Variants in KDM4B observed in about 807,000 individuals in gnomAD.
KDM4B encodes lysine demethylase 4B.
Under a neutral mutation model 125.2 loss-of-function variants are expected in KDM4B, and 32 were observed. The ratio of observed to expected loss-of-function variants is 0.26; its 90% CI spans 0.19 to 0.34. KDM4B has a LOEUF of 0.34. Among genes scored for constraint, KDM4B ranks in the 10% least tolerant of loss-of-function variants. KDM4B has a pLI of 1.00. For missense variants in KDM4B, 1,190 were observed against 1,577.7 expected (o/e 0.75, Z 4.16); for synonymous variants, 721 against 677.9 (o/e 1.06, Z -0.99).
intron 19 of KDM4B, 35 bp from the exon 20 acceptor site, chr19:5,144,213 G>A (rs779937993): frequency 2.4e-5 from 37 of 1,517,418 alleles, no homozygotes; most frequent in East Asian, 2.3e-4. Context: ...CGACACCCGC[G>A]CTGACCGCCC....
chr19:5,138,782 C>T (rs778770091), intron 18 of KDM4B, among the ~76,000 whole-genome samples: 4 of 152,234 alleles, frequency 2.6e-5, no homozygotes, highest in Non-Finnish European at 4.4e-5. Context: ...CCCGCTCACC[C>T]GTCCTGTATA....
At chr19:4,992,067 C>T (rs1261994124) in intron 1 of KDM4B, among the ~76,000 whole-genome samples, 3 of 152,010 alleles carry the variant, frequency 2.0e-5, no homozygotes, top group Admixed American at 6.6e-5. Context: ...GGACAAGATC[C>T]AAGGTTGCCA....
chr19:5,140,868 C>T (rs1009113377), intron 18 of KDM4B: 6 of 152,242 alleles, frequency 3.9e-5, no homozygotes, highest in East Asian at 1.9e-4. Flanking sequence ...ACACGTGTCT[C>T]GTGGGCCCCT....
chr19:5,148,533 T>TG (rs1217714089), intron 21 of KDM4B, among the ~76,000 whole-genome samples: 1 of 152,170 alleles, frequency 6.6e-6, no homozygotes, highest in African/African-American at 2.4e-5. Context: ...ACTGAATCAC[T>TG]GTGTGCCACG....
chr19:5,131,841 A>C, intron 12 of KDM4B, 46 bp from the exon 13 acceptor site: 1 of 1,611,898 alleles, frequency 6.2e-7, no homozygotes, highest in Non-Finnish European at 8.5e-7. Flanking sequence ...AGCCCCACCC[A>C]GGGGTCTGTA....
Position 5,082,973 on chromosome 19 carries a change from C to T in KDM4B, c.918+469C>T, listed in dbSNP as rs559456512. Among the ~76,000 whole-genome samples the T allele has an allele frequency of 3.8e-4, 58 of 152,294 alleles. No homozygotes were observed. The highest frequency in any genetic ancestry group is 6.8e-3 in the Middle Eastern group (2 of 294). ...AGGAGCCCACTCAGGCATCTGCCCC[C>T]CTCCCTCCCTGCTCCCCTGTCAGTG... On this transcript the variant is annotated intron_variant, in intron 9 of 22. Transcript: ENST00000159111. This position sits in a 1 kb window ranked among gnomAD's most constrained non-coding sequence, Gnocchi z 5.4.
intron 6 of KDM4B, among the ~76,000 whole-genome samples, chr19:5,061,170 G>A (rs1021971700): frequency 1.3e-5 from 2 of 152,184 alleles, no homozygotes; most frequent in South Asian, 4.1e-4. Context: ...CTGGCCCTGC[G>A]AGAGCCGAGA....
At chr19:4,985,981 A>G (rs557468816) in intron 1 of KDM4B, among the ~76,000 whole-genome samples, 1 of 152,364 alleles carries the variant, frequency 6.6e-6, no homozygotes, top group South Asian at 2.1e-4. Flanking sequence ...ACAGCCCAGA[A>G]GAGAAATCGG....
At chr19:5,013,351 C>T (rs1168071309) in intron 1 of KDM4B, among the ~76,000 whole-genome samples, 1 of 152,138 alleles carries the variant, frequency 6.6e-6, no homozygotes, top group African/African-American at 2.4e-5. Flanking sequence ...GCCTGGGTGG[C>T]CCCTGGGAGT....
At chr19:5,150,561 C>A (rs1287330532) in intron 22 of KDM4B, 111 bp downstream of exon 22, 5 of 745,010 alleles carry the variant, frequency 6.7e-6, no homozygotes, top group East Asian at 5.8e-5. Context: ...CCTCCTCTTG[C>A]ACCTCTGCTG....
chr19:5,025,220 G>A (rs903751946), intron 2 of KDM4B, among the ~76,000 whole-genome samples: 12 of 152,176 alleles, frequency 7.9e-5, no homozygotes, highest in Non-Finnish European at 1.5e-4. Flanking sequence ...GGTGGCTCAC[G>A]CCTATAATCC....
intron 9 of KDM4B, among the ~76,000 whole-genome samples, chr19:5,084,473 A>AT (rs2038412220): frequency 7.1e-6 from 1 of 139,988 alleles, no homozygotes; most frequent in East Asian, 2.0e-4. Context: ...ATTATATATA[A>AT]ATATAAATTA....
At chr19:5,110,895 C>A in intron 10 of KDM4B, 77 bp downstream of exon 10, 1 of 1,235,444 alleles carries the variant, frequency 8.1e-7, no homozygotes, top group Non-Finnish European at 1.1e-6. Flanking sequence ...AGGCCCCTTC[C>A]CACTGGCAGG....
At chr19:5,065,851 G>A (rs915097277) in intron 6 of KDM4B, among the ~76,000 whole-genome samples, 5 of 152,352 alleles carry the variant, frequency 3.3e-5, no homozygotes, top group Non-Finnish European at 5.9e-5. Flanking sequence ...GGGGAATGGC[G>A]CGAGCAGAAG....
intron 13 of KDM4B, 59 bp downstream of exon 13, chr19:5,132,066 T>G: frequency 6.7e-7 from 1 of 1,499,174 alleles, no homozygotes; most frequent in Non-Finnish European, 8.9e-7. Flanking sequence ...CTGCTGCTGC[T>G]GGAGGGGGGG....
At chr19:5,080,985 G>A (rs1198458118) in intron 8 of KDM4B, 2 of 152,246 alleles carry the variant, frequency 1.3e-5, no homozygotes, top group East Asian at 3.9e-4. Context: ...TGAACCACTA[G>A]GAGGGAACGA....
At chr19:4,986,065 G>A (rs2034820270) in intron 1 of KDM4B, among the ~76,000 whole-genome samples, 1 of 152,222 alleles carries the variant, frequency 6.6e-6, no homozygotes, top group East Asian at 1.9e-4. Flanking sequence ...TCCCCAGCCC[G>A]GCTTGGATTG....
Position 5,078,149 on chromosome 19 carries a change from C to G in KDM4B, c.780+679C>G, listed in dbSNP as rs1366399190. 4 of 152,728 alleles carry G rather than the reference C, an allele frequency of 2.6e-5. No individual in the cohort carries two copies. The highest frequency in any genetic ancestry group is 9.6e-5 in the African/African-American group (4 of 41,454). The allele number at this position is 152,728 out of a possible 1,614,324, so 9.5% of individuals were successfully genotyped here. A position where few individuals can be genotyped will look rare whatever the true frequency, so the allele number is the denominator to read the frequency against. On this transcript the variant is annotated intron_variant, in intron 8 of 22. Coordinates refer to ENST00000159111, the MANE Select transcript of KDM4B (RefSeq NM_015015.3). The surrounding 1 kb of genome is among the most constrained non-coding windows in gnomAD (Gnocchi z 4.5). ...GTCCAGCTCAGCAACTGCACCCACT[C>G]GAGGCAGTTCCTTCCCCATGGAGAA...
intron 1 of KDM4B, among the ~76,000 whole-genome samples, chr19:5,002,398 T>TTCCTTTCTCTC (rs150830709): frequency 2.0e-5 from 3 of 151,182 alleles, no homozygotes; most frequent in Admixed American, 6.6e-5. Flanking sequence ...CTCCTTTCCT[T>TTCCTTTCTCTC]TCCTTTCTCT....
Sources: gnomAD v4.1 joint callset for allele counts (sites outside exome capture counted in the v4.1 genomes callset) on GRCh38, gnomAD v4.1.1 for gene constraint, Gnocchi (gnomAD v3.1) non-coding constraint, MANE v1.5 for transcripts, NCBI Gene and HGNC (gene_info 2026-07-23, HGNC 2026-07-21) for gene names.